Variants in PMPCB observed in about 807,000 individuals in gnomAD.
PMPCB encodes peptidase, mitochondrial processing subunit beta.
A neutral mutation model predicts 61.5 loss-of-function variants in PMPCB; 46 were observed. The ratio of observed to expected loss-of-function variants is 0.75; its 90% confidence interval spans 0.59 to 0.96. PMPCB has a LOEUF of 0.96. Ranked by LOEUF, PMPCB falls within the 40% of genes least tolerant of loss-of-function variation. The pLI, the probability that PMPCB is intolerant of heterozygous loss-of-function variation, is 0.00. For synonymous variants in PMPCB, 191 were observed against 201.6 expected (o/e 0.95, Z 0.44); for missense variants, 590 against 602.4 (o/e 0.98, Z 0.22).
intron 12 of PMPCB, among the ~76,000 whole-genome samples, chr7:103,321,183 G>C (rs1314208197): frequency 6.6e-6 from 1 of 152,010 alleles, no homozygotes; most frequent in Non-Finnish European, 1.5e-5. Flanking sequence ...GAGTGACTGA[G>C]ACCCTGCCTC....
At chr7:103,344,904 T>C in the PMPCB span, 4 of 565,250 alleles carry the variant, frequency 7.1e-6, no homozygotes, top group African/African-American at 7.5e-5. Context: ...GAATGGTTCC[T>C]AGGCGCATCA....
intron 4 of PMPCB, among the ~76,000 whole-genome samples, chr7:103,301,385 A>G (rs748167033): frequency 2.0e-5 from 3 of 152,274 alleles, no homozygotes; most frequent in Admixed American, 6.5e-5. Context: ...AACAAAACCA[A>G]TAGAGACAGT....
chr7:103,339,708 TCTC>T, the PMPCB span, among the ~76,000 whole-genome samples: 1 of 152,114 alleles, frequency 6.6e-6, no homozygotes, highest in African/African-American at 2.4e-5. Context: ...TTCAAGCGAT[TCTC>T]CTGTTTCAGC....
chr7:103,304,534 T>C, intron 6 of PMPCB, 44 bp downstream of exon 6: 1 of 1,216,962 alleles, frequency 8.2e-7, no homozygotes, highest in Non-Finnish European at 1.2e-6. Context: ...ACACAGTTGT[T>C]GGAGTGGTAT....
chr7:103,307,794 C>T, intron 7 of PMPCB, 86 bp downstream of exon 7: 1 of 746,318 alleles, frequency 1.3e-6, no homozygotes, highest in South Asian at 1.5e-5. Flanking sequence ...TGCATATTTC[C>T]AGTAGGAAAA....
At chr7:103,326,220 C>G (rs1453059483) in intron 12 of PMPCB, among the ~76,000 whole-genome samples, 1 of 152,096 alleles carries the variant, frequency 6.6e-6, no homozygotes, top group Admixed American at 6.6e-5. Flanking sequence ...TCAGGTGATC[C>G]GTCCACCTCG....
At chr7:103,300,054 A>T in intron 3 of PMPCB, 124 bp from the exon 4 acceptor site, 1 of 836,466 alleles carries the variant, frequency 1.2e-6, no homozygotes, top group Non-Finnish European at 1.9e-6. Context: ...TACCTGATGT[A>T]CTTTAGAAAC....
rs2115621411 is a variant in PMPCB at position 103,300,217 on chromosome 7, A to G, written c.367A>G (p.Ile123Val). ...KRSQLDLELE[I>V]ENMGAHLNAY... Reference sequence around the variant, plus strand: ...ATCCCAGTTAGATCTGGAACTTGAGATTGAAAATATGGGTGCTCATCTCAA... The same window carrying G: ...ATCCCAGTTAGATCTGGAACTTGAGGTTGAAAATATGGGTGCTCATCTCAA... The change falls in exon 4 of 13, where the codon ATT becomes GTT. Residue 123 changes from isoleucine (I) to valine (V), a missense_variant. Coordinates refer to ENST00000249269, the MANE Select transcript of PMPCB (RefSeq NM_004279.3). 4.3e-6 allele frequency: 7 copies of G among 1,612,968 alleles called. No homozygotes were observed. Among genetic ancestry groups the G allele is most frequent in the Non-Finnish European group, 5.1e-6 (6 of 1,179,088 alleles).
chr7:103,344,158 T>C, the PMPCB span: 1 of 198,962 alleles, frequency 5.0e-6, no homozygotes, highest in East Asian at 1.2e-4. Flanking sequence ...GGGAGAAAGT[T>C]GTTTAAGAGA....
chr7:103,304,390 ATTGT>A lies in PMPCB; in HGVS notation c.657-18_657-15del. On this transcript the variant is annotated splice_polypyrimidine_tract_variant and intron_variant, in intron 5 of 12. Transcript: ENST00000249269. ...GTTTTTTTTTTGGTTTCCTTTAAAA[ATTGT>A]TTTACTTCATTTACAGATCTATAAG... 15 of 1,396,778 alleles carry A rather than the reference ATTGT, an allele frequency of 1.1e-5. No homozygotes were observed. The highest frequency in any genetic ancestry group is 1.4e-5 in the Non-Finnish European group (14 of 990,108). 86.5% of individuals were successfully genotyped at this position (1,396,778 alleles called of 1,614,324 possible). A position where few individuals can be genotyped will look rare whatever the true frequency, so the allele number is the denominator to read the frequency against.
In PMPCB at chr7:103,312,303, G is replaced by T. The variant is rs1206110351; in HGVS notation, c.*32G>T. The T allele has an allele frequency of 1.0e-5, 16 of 1,605,190 alleles. No homozygotes were observed. Among genetic ancestry groups the T allele is most frequent in the Non-Finnish European group, 1.4e-5 (16 of 1,179,610 alleles). ...CCTAATCAAGATTGTTTGAACACAT[G>T]TATTTATAAAACAGAGCTAGAGAAA... On this transcript the variant is annotated 3_prime_UTR_variant, in exon 13 of 13. Transcript: ENST00000249269.
At chr7:103,344,423 G>C in the PMPCB span, 1 of 895,828 alleles carries the variant, frequency 1.1e-6, no homozygotes, top group African/African-American at 1.7e-5. Flanking sequence ...GAGCAAAAAG[G>C]CACTCGTCAC....
chr7:103,344,702 C>G, the PMPCB span: 1 of 1,458,456 alleles, frequency 6.9e-7, no homozygotes. Context: ...CCAGCTCTAC[C>G]TCTCACTCCG....
chr7:103,312,474 T>A lies in PMPCB; in HGVS notation c.*203T>A. The A allele has an allele frequency of 6.4e-7, 1 of 1,552,662 alleles. No homozygotes were observed. Among genetic ancestry groups the A allele is most frequent in the Non-Finnish European group, 8.6e-7 (1 of 1,156,186 alleles). On this transcript the variant is annotated 3_prime_UTR_variant, in exon 13 of 13. Transcript: ENST00000249269. Reference sequence around the variant, plus strand: ...CTGAGAAATTATGTTGGAAGCAGCATACTTTCAAATTATTACCATGAGTAT... The same window carrying A: ...CTGAGAAATTATGTTGGAAGCAGCAAACTTTCAAATTATTACCATGAGTAT...
chr7:103,330,841 C>A (rs1401017381), downstream of PMPCB, among the ~76,000 whole-genome samples: 1 of 151,936 alleles, frequency 6.6e-6, no homozygotes, highest in African/African-American at 2.4e-5. Context: ...CCTGGCCTCC[C>A]AAAGTGCTAG....
intron 12 of PMPCB, chr7:103,319,870 A>G: frequency 6.2e-7 from 1 of 1,609,076 alleles, no homozygotes; most frequent in Non-Finnish European, 8.5e-7. Context: ...CAAAAATAGT[A>G]TCTACACTCA....
At chr7:103,301,132 G>T (rs1817439783) in intron 4 of PMPCB, among the ~76,000 whole-genome samples, 1 of 152,204 alleles carries the variant, frequency 6.6e-6, no homozygotes, top group Non-Finnish European at 1.5e-5. Context: ...GATGTGCATA[G>T]GTGTTTCCAC....
At chr7:103,324,524 A>G in intron 12 of PMPCB, 1 of 1,497,076 alleles carries the variant, frequency 6.7e-7, no homozygotes, top group Non-Finnish European at 9.0e-7. Flanking sequence ...TGATGAATTC[A>G]TATCACCAAG....
chr7:103,319,620 A>G, downstream of PMPCB: 1 of 1,614,162 alleles, frequency 6.2e-7, no homozygotes, highest in Non-Finnish European at 8.5e-7. Flanking sequence ...TGTTTTTCCA[A>G]AGCAGCCTTT....
Sources: allele counts gnomAD v4.1 joint callset (sites outside exome capture counted in the v4.1 genomes callset), GRCh38; gene constraint gnomAD v4.1.1; transcripts MANE v1.5; gene names NCBI Gene and HGNC (gene_info 2026-07-23, HGNC 2026-07-21).